The following CPAMD8 variants were observed in gnomAD, a reference collection of about 807,000 sequenced individuals.
CPAMD8 encodes the protein C3 and PZP like alpha-2-macroglobulin domain containing 8, also known as C3 and PZP-like alpha-2-macroglobulin domain-containing protein 8.
CPAMD8 carries 146 observed loss-of-function variants against 224.7 expected under a neutral mutation model. That is an observed-to-expected ratio of 0.65 (90% CI 0.57 to 0.75). The LOEUF (loss-of-function observed/expected upper bound fraction) is 0.75. Ranked by LOEUF, CPAMD8 falls within the 30% of genes least tolerant of loss-of-function variation. CPAMD8 has a pLI of 0.00. For synonymous variants in CPAMD8, 966 were observed against 1,044.6 expected (o/e 0.92, Z 1.45); for missense variants, 2,301 against 2,537.5 (o/e 0.91, Z 2.00).
intron 30 of CPAMD8, among the ~76,000 whole-genome samples, chr19:16,906,394 CTTTCTTTCT>C (rs2052508301): frequency 9.0e-4 from 77 of 85,156 alleles, no homozygotes; most frequent in African/African-American, 1.6e-3. Flanking sequence ...TTCTTTCTTT[CTTTCTTTCT>C]TTCTTTCCTT....
chr19:16,939,518 C>T (rs1272941495), intron 22 of CPAMD8, among the ~76,000 whole-genome samples: 1 of 152,006 alleles, frequency 6.6e-6, no homozygotes, highest in African/African-American at 2.4e-5. Flanking sequence ...CTAGGATGGT[C>T]AATTTTAGGT....
intron 28 of CPAMD8, 25 bp downstream of exon 28, chr19:16,914,632 G>A (rs781354245): frequency 1.9e-6 from 3 of 1,613,704 alleles, no homozygotes; most frequent in South Asian, 2.2e-5. Context: ...AGGGGCCCGG[G>A]AAGGAGGCTC....
intron 18 of CPAMD8, among the ~76,000 whole-genome samples, chr19:16,968,054 T>C (rs920074654): frequency 6.6e-6 from 1 of 151,862 alleles, no homozygotes; most frequent in Non-Finnish European, 1.5e-5. Context: ...ATTGCCTTCA[T>C]GGTTTTGAGT....
intron 12 of CPAMD8, among the ~76,000 whole-genome samples, 193 bp downstream of exon 12, chr19:16,993,223 C>A (rs905475756): frequency 6.6e-6 from 1 of 152,160 alleles, no homozygotes; most frequent in East Asian, 1.9e-4. Context: ...GTCCAGGCAC[C>A]CTTATCTCTC....
At chr19:16,978,836 C>A (rs2055378011) in intron 14 of CPAMD8, among the ~76,000 whole-genome samples, 1 of 151,692 alleles carries the variant, frequency 6.6e-6, no homozygotes, top group Admixed American at 6.6e-5. Flanking sequence ...ATCCACTCAC[C>A]CACCATCCAC....
chr19:16,893,649 GC>G (rs1383725434), intron 41 of CPAMD8: 2 of 288,420 alleles, frequency 6.9e-6, no homozygotes, highest in Non-Finnish European at 1.3e-5. Flanking sequence ...AGCTGGTAGG[GC>G]CCCCCAAGGC....
chr19:16,896,704 A>G, intron 39 of CPAMD8, 39 bp from the exon 40 acceptor site: 2 of 1,326,496 alleles, frequency 1.5e-6, no homozygotes, highest in Admixed American at 3.3e-5. Flanking sequence ...CCCCACCCTG[A>G]ACCTTGCCCG....
intron 7 of CPAMD8, among the ~76,000 whole-genome samples, chr19:17,007,385 A>C (rs1348612173): frequency 6.6e-6 from 1 of 151,776 alleles, no homozygotes; most frequent in Non-Finnish European, 1.5e-5. Context: ...AAGAAGAAGA[A>C]AGAAGAAGGA....
intron 14 of CPAMD8, 46 bp from the exon 15 acceptor site, chr19:16,977,586 G>A (rs757553530): frequency 1.0e-5 from 15 of 1,447,568 alleles, no homozygotes; most frequent in African/African-American, 8.6e-5. Context: ...CTCCGCATCC[G>A]ACATGCAACC....
chr19:16,956,247 T>C (rs546672902), intron 19 of CPAMD8, among the ~76,000 whole-genome samples: 7 of 152,174 alleles, frequency 4.6e-5, no homozygotes, highest in Admixed American at 6.5e-5. Flanking sequence ...TCCACCAGCC[T>C]CTCCTACTTT....
chr19:16,976,085 C>T lies in CPAMD8; in HGVS notation c.1825G>A (p.Ala609Thr), dbSNP rs1449104637. The T allele has an allele frequency of 2.5e-6, 4 of 1,612,778 alleles. No homozygotes were observed. In the East Asian group the frequency reaches 8.9e-5, roughly 36 times the overall value. Residue 609 changes from alanine (A) to threonine (T), a missense_variant, in exon 16 of 42, where the codon GCA becomes ACA. Transcript: ENST00000443236. ...GCGACGCACACACAGCTGCCCCTTG[C>T]AGCCCTGATCCGCAGGTCGACAACC... is the stretch of plus-strand genomic sequence containing the variant. The part of the protein sequence containing the change: ...GEVVDLRIRA[A>T]RGSCVCVAAV...
Position 16,928,184 on chromosome 19 carries a change from G to T in CPAMD8, c.3195C>A (p.Thr1065=). Residue 1065 remains threonine, a synonymous_variant, in exon 25 of 42, where the codon ACC becomes ACA. Transcript: ENST00000443236. ...ACTGGACCTCTGGTGGCCTCGGGAG[G>T]GTCCAGGCCACAATGACAGACTCAT... The part of the protein sequence containing the change: ...PSNESVIVAW[T]LPRPPEVQFI... 1 of 1,614,082 alleles carries T rather than the reference G, an allele frequency of 6.2e-7. No individual in the cohort carries two copies. The highest frequency in any genetic ancestry group is 1.6e-4 in the Middle Eastern group (1 of 6,062).
At chr19:16,986,177 C>T (rs192938680) in intron 13 of CPAMD8, among the ~76,000 whole-genome samples, 5 of 152,260 alleles carry the variant, frequency 3.3e-5, no homozygotes, top group Admixed American at 2.6e-4. Flanking sequence ...CAGTTCCCCC[C>T]TGCCGGGGCC....
intron 1 of CPAMD8, among the ~76,000 whole-genome samples, chr19:17,022,626 G>A (rs2056989504): frequency 6.6e-6 from 1 of 151,930 alleles, no homozygotes; most frequent in African/African-American, 2.4e-5. Context: ...AGCCTCCCAA[G>A]TAGCTGGGAT....
chr19:16,896,577 G>C lies in CPAMD8; in HGVS notation c.5154C>G (p.Ala1718=). The change falls in exon 40 of 42, where the codon GCC becomes GCG. Residue 1718 remains alanine (A), a synonymous_variant. Transcript: ENST00000443236. ...CGGAGCCGCACACCGGGTTCCCCTG[G>C]GCGCCGCAGTCGTGGTCGCAGCCGC... ...ARCGCDHDCG[A]QGNPVCGSDG... The C allele has an allele frequency of 2.0e-6, 3 of 1,511,922 alleles. No individual in the cohort carries two copies. The East Asian group carries it at 7.8e-5, about 39-fold the overall frequency. 93.7% of individuals were successfully genotyped at this position (1,511,922 alleles called of 1,614,324 possible).
intron 13 of CPAMD8, 126 bp from the exon 14 acceptor site, chr19:16,980,812 A>G (rs1251865641): frequency 1.6e-6 from 1 of 619,002 alleles, no homozygotes; most frequent in East Asian, 3.0e-5. Flanking sequence ...CCCAGCATCC[A>G]GTCCTGGCCC....
chr19:16,902,926 G>C, intron 34 of CPAMD8, 63 bp from the exon 35 acceptor site: 1 of 989,684 alleles, frequency 1.0e-6, no homozygotes, highest in Admixed American at 2.5e-5. Context: ...TGCAGGGTAG[G>C]GGAGGAGAAG....
At chr19:16,929,787 G>A (rs1207590778) in intron 23 of CPAMD8, among the ~76,000 whole-genome samples, 1 of 152,184 alleles carries the variant, frequency 6.6e-6, no homozygotes, top group Non-Finnish European at 1.5e-5. Context: ...ATTGCAAAAG[G>A]CTGAAGAGAG....
intron 32 of CPAMD8, 50 bp downstream of exon 32, chr19:16,904,176 A>ACGGCCCCCCCCCCCCCCCCCCC: frequency 1.1e-6 from 1 of 937,340 alleles, no homozygotes; most frequent in Non-Finnish European, 1.7e-6. Context: ...GACTGCAGGG[A>ACGGCCCCCCCCCCCCCCCCCCC]CCCCACCCAC....
Sources: gnomAD v4.1 joint callset for allele counts (sites outside exome capture counted in the v4.1 genomes callset) on GRCh38, gnomAD v4.1.1 for gene constraint, MANE v1.5 for transcripts, NCBI Gene and HGNC (gene_info 2026-07-23, HGNC 2026-07-21) for gene names.